The following RGS12 variants were observed in gnomAD, a reference collection of about 807,000 sequenced individuals.
RGS12 encodes the protein regulator of G protein signaling 12, also known as regulator of G-protein signaling 12.
Under a neutral mutation model 120.1 loss-of-function variants are expected in RGS12, and 66 were observed. That is an observed-to-expected ratio of 0.55 (90% confidence interval 0.45 to 0.67). The LOEUF (loss-of-function observed/expected upper bound fraction) is 0.67, where lower values mean the gene tolerates loss of function less well. RGS12 is among the 30% of genes least tolerant of loss of function. The pLI, the probability that RGS12 is intolerant of heterozygous loss-of-function variation, is 0.00. For missense variants in RGS12, 1,859 were observed against 1,957.7 expected, an observed-to-expected ratio of 0.95 and a Z score of 0.95; for synonymous variants, 827 against 804.7, an observed-to-expected ratio of 1.03 and a Z score of -0.47.
intron 14 of RGS12, among the ~76,000 whole-genome samples, 189 bp downstream of exon 14, chr4:3,425,749 A>G (rs1476937473): frequency 6.1e-5 from 1 of 16,314 alleles, no homozygotes; most frequent in African/African-American, 3.0e-4. Flanking sequence ...AGCGCAGGGG[A>G]GGGGGCTGTG....
intron 2 of RGS12, among the ~76,000 whole-genome samples, chr4:3,336,022 G>C (rs1287930850): frequency 6.6e-6 from 1 of 152,104 alleles, no homozygotes; most frequent in Non-Finnish European, 1.5e-5. Context: ...AATCTGGGAG[G>C]TGGAGGTTGC....
intron 15 of RGS12, 72 bp downstream of exon 15, chr4:3,428,241 C>A (rs1723882478): frequency 7.6e-7 from 1 of 1,314,182 alleles, no homozygotes; most frequent in African/African-American, 1.5e-5. Flanking sequence ...TGCGCAGTGC[C>A]CTGGTGCTTC....
chr4:3,307,535 A>T (rs1724041041), intron 1 of RGS12, among the ~76,000 whole-genome samples: 1 of 152,280 alleles, frequency 6.6e-6, no homozygotes, highest in African/African-American at 2.4e-5. Flanking sequence ...AAACATGCAC[A>T]GAAATAATTG....
At chr4:3,350,358 C>T (rs1314400452) in intron 3 of RGS12, among the ~76,000 whole-genome samples, 3 of 152,062 alleles carry the variant, frequency 2.0e-5, no homozygotes, top group African/African-American at 7.2e-5. Context: ...ATTTTATCAA[C>T]AAATTTAAAA....
intron 3 of RGS12, among the ~76,000 whole-genome samples, chr4:3,364,918 AGGCTGGGCAGGGTG>A (rs1716140139): frequency 6.6e-6 from 1 of 151,930 alleles, no homozygotes; most frequent in Non-Finnish European, 1.5e-5. Flanking sequence ...TGGCGAGAGG[AGGCTGGGCAGGGTG>A]CGGGACCCAG....
intron 3 of RGS12, among the ~76,000 whole-genome samples, chr4:3,382,650 C>G (rs1005137602): frequency 6.6e-5 from 10 of 152,076 alleles, no homozygotes; most frequent in South Asian, 4.2e-4. Flanking sequence ...GCTGCTCTCT[C>G]TCTCTCCTCC....
chr4:3,310,496 C>A (rs928695704), intron 1 of RGS12, among the ~76,000 whole-genome samples: 1 of 152,194 alleles, frequency 6.6e-6, no homozygotes, highest in South Asian at 2.1e-4. Flanking sequence ...CCTTTGGCAC[C>A]GTGTCCTGCT....
chr4:3,414,092 A>C lies in RGS12; in HGVS notation c.2041A>C (p.Lys681Gln). The C allele has an allele frequency of 6.4e-7, 1 of 1,570,196 alleles. No individual in the cohort carries two copies. ...CGCAGAGTTGACGGGCGCCGACCTGAAGGACTGCGTCAGCAACAACAGCCT... is the reference window on the plus strand; with the variant it reads ...CGCAGAGTTGACGGGCGCCGACCTGCAGGACTGCGTCAGCAACAACAGCCT... The part of the protein sequence containing the change: ...SDGELTGADL[K>Q]DCVSNNSLSS... The change falls in exon 5 of 18, where the codon AAG becomes CAG. Residue 681 changes from lysine to glutamine, a missense_variant. Physicochemically the swap from Lys to Gln is moderately conservative, Grantham distance 53. Around this residue, in one of 3 missense-constraint regions of RGS12, gnomAD observed 967 missense variants for 994.2 expected, o/e 0.97. Coordinates refer to ENST00000336727, the MANE Select transcript of RGS12 (RefSeq NM_001394154.1).
At chr4:3,431,088 G>A in intron 17 of RGS12, 133 bp downstream of exon 17, 1 of 1,451,476 alleles carries the variant, frequency 6.9e-7, no homozygotes, top group Non-Finnish European at 9.0e-7. Flanking sequence ...TCACCTGCTG[G>A]TTGGGGGCTT....
chr4:3,307,415 C>G (rs1466249137), intron 1 of RGS12, among the ~76,000 whole-genome samples: 1 of 152,218 alleles, frequency 6.6e-6, no homozygotes, highest in African/African-American at 2.4e-5. Flanking sequence ...TTTCGTAAAA[C>G]TAGGAGTTAT....
At chr4:3,322,472 A>T (rs1042252733) in intron 2 of RGS12, among the ~76,000 whole-genome samples, 10 of 152,200 alleles carry the variant, frequency 6.6e-5, no homozygotes, top group African/African-American at 2.4e-4. Context: ...GGCTGATGTG[A>T]AAGAGAACCC....
chr4:3,299,162 G>T (rs918555079), intron 1 of RGS12, among the ~76,000 whole-genome samples: 1 of 151,992 alleles, frequency 6.6e-6, no homozygotes, highest in Non-Finnish European at 1.5e-5. Flanking sequence ...TGGTGCTGTT[G>T]ACCTTCCGGC....
At chr4:3,410,512 C>T (rs1201491596) in intron 4 of RGS12, among the ~76,000 whole-genome samples, 4 of 152,228 alleles carry the variant, frequency 2.6e-5, no homozygotes, top group South Asian at 2.1e-4. Context: ...TCTGGTCTTC[C>T]GTCTCCCAGC....
intron 3 of RGS12, among the ~76,000 whole-genome samples, chr4:3,364,439 A>G (rs755293461): frequency 6.6e-6 from 1 of 152,064 alleles, no homozygotes; most frequent in Non-Finnish European, 1.5e-5. Flanking sequence ...GTCGGGCCGC[A>G]CTGTTCCTGA....
intron 1 of RGS12, among the ~76,000 whole-genome samples, chr4:3,307,980 G>A (rs1441987073): frequency 1.3e-5 from 2 of 152,244 alleles, no homozygotes; most frequent in African/African-American, 2.4e-5. Flanking sequence ...GACTGGGGGC[G>A]CCTGGGCAGA....
intron 4 of RGS12, among the ~76,000 whole-genome samples, chr4:3,399,178 A>T (rs143522882): frequency 3.1e-4 from 47 of 152,344 alleles, no homozygotes; most frequent in African/African-American, 1.1e-3. Context: ...TGTATATATT[A>T]GAAAAAAGTT....
intron 3 of RGS12, among the ~76,000 whole-genome samples, chr4:3,355,807 A>G (rs558134658): frequency 2.6e-5 from 4 of 151,358 alleles, no homozygotes; most frequent in Admixed American, 2.6e-4. Flanking sequence ...AAAAAAAAAA[A>G]AAAAAAAAAG....
Position 3,316,905 on chromosome 4 carries a change from C to T in RGS12, c.735C>T (p.Ser245=), listed in dbSNP as rs1724805796. 2 of 1,613,894 alleles carry T rather than the reference C, an allele frequency of 1.2e-6. No homozygotes were observed. The highest frequency in any genetic ancestry group is 2.7e-5 in the African/African-American group (2 of 74,950). ...CCATTGAGCTTCCTTCCACGAGCTC[C>T]AACCTGGAGTCCGACAGCTTGCAAG... ...LGSIELPSTS[S]NLESDSLQAI... is the part of the protein sequence containing the mutation. The change falls in exon 2 of 18, where the codon TCC becomes TCT. Residue 245 remains serine (S), a synonymous_variant. Transcript: ENST00000336727.
rs568600103 is a variant in RGS12, at chr4:3,365,077, G to A, written c.1999-21339G>A. On this transcript the variant is annotated intron_variant, in intron 3 of 17. Transcript: ENST00000336727. This position sits in a 1 kb window ranked among gnomAD's most constrained non-coding sequence, Gnocchi z 4.0. ...GGTGACAGGAGGATGAGGTGACGGC[G>A]GTTTGCAGGTTCCCCGGGAGCTGTT... Among the ~76,000 whole-genome samples the A allele has an allele frequency of 5.3e-5, 8 of 152,216 alleles. No homozygotes were observed. The highest frequency in any genetic ancestry group is 1.4e-4 in the African/African-American group (6 of 41,518).
Sources: gnomAD v4.1 joint callset for allele counts (sites outside exome capture counted in the v4.1 genomes callset) on GRCh38, gnomAD v4.1.1 for gene constraint, gnomAD v4.1.1 regional missense constraint, Gnocchi (gnomAD v3.1) non-coding constraint, MANE v1.5 for transcripts, NCBI Gene and HGNC (gene_info 2026-07-23, HGNC 2026-07-21) for gene names.